DTNBP1: variants seen among roughly 807,000 people sequenced by gnomAD.
DTNBP1 encodes the protein dystrobrevin binding protein 1.
Under a neutral mutation model 42.8 loss-of-function variants are expected in DTNBP1, and 35 were observed. That is an observed-to-expected ratio of 0.82 (90% CI 0.63 to 1.09). DTNBP1 has a LOEUF of 1.09. DTNBP1 is among the 50% of genes least tolerant of loss of function. The probability of loss-of-function intolerance (pLI) is 0.00; values close to 1 mark genes in which losing one functional copy is unlikely to be tolerated. For synonymous variants in DTNBP1, 171 were observed against 162.2 expected (o/e 1.05, Z -0.41); for missense variants, 457 against 424.2 (o/e 1.08, Z -0.68).
chr6:15,628,240 T>G (rs1581411009), intron 4 of DTNBP1, among the ~76,000 whole-genome samples: 1 of 152,002 alleles, frequency 6.6e-6, no homozygotes, highest in East Asian at 1.9e-4. Context: ...CAAGAAGAGG[T>G]GATCTTTTGA....
intron 8 of DTNBP1, 21 bp from the exon 9 acceptor site, chr6:15,524,690 G>T: frequency 1.2e-6 from 2 of 1,610,564 alleles, no homozygotes; most frequent in Non-Finnish European, 8.5e-7. Context: ...ATCAACACGA[G>T]AAAGGACACG....
At chr6:15,551,595 C>T (rs949841718) in intron 7 of DTNBP1, among the ~76,000 whole-genome samples, 3 of 152,168 alleles carry the variant, frequency 2.0e-5, no homozygotes, top group Non-Finnish European at 4.4e-5. Context: ...GCCCCCTTCT[C>T]TGACAGGCCA....
At position 15,627,322 on chromosome 6, in the gene DTNBP1, C is replaced by G. The variant is rs16876738; in HGVS notation, c.355+21G>C. 0.16 allele frequency: 254,274 copies of G among 1,610,846 alleles called. 21,393 individuals carry two copies. The highest frequency in any genetic ancestry group is 0.28 in the Middle Eastern group (1,675 of 5,992). On this transcript the variant is annotated intron_variant, in intron 5 of 9. Transcript: ENST00000344537. ...TGTTTTCATTCCTAAAAGTAATGTA[C>G]AATGAAAACATTGGACTTACTCAGA...
intron 6 of DTNBP1, among the ~76,000 whole-genome samples, chr6:15,607,885 C>T (rs2113677029): frequency 6.6e-6 from 1 of 152,208 alleles, no homozygotes; most frequent in East Asian, 1.9e-4. Flanking sequence ...CAAGTAGTCC[C>T]TGCCCCAGCT....
chr6:15,601,440 A>G (rs142739957), intron 6 of DTNBP1, among the ~76,000 whole-genome samples: 22 of 152,320 alleles, frequency 1.4e-4, no homozygotes, highest in African/African-American at 5.1e-4. Flanking sequence ...GCTTTTAAAA[A>G]CCCATGTACA....
At chr6:15,543,781 TC>T (rs1297162644) in intron 7 of DTNBP1, among the ~76,000 whole-genome samples, 1 of 152,184 alleles carries the variant, frequency 6.6e-6, no homozygotes, top group African/African-American at 2.4e-5. Context: ...TCTGTAACTG[TC>T]CTTTCCACCA....
chr6:15,614,930 G>T, intron 6 of DTNBP1: 1 of 392,302 alleles, frequency 2.5e-6, no homozygotes, highest in Non-Finnish European at 4.9e-6. Flanking sequence ...AGTAATGGAG[G>T]AGAAGAGCAG....
At position 15,634,458 on chromosome 6, in the gene DTNBP1, A is replaced by T. The variant is rs189800569; in HGVS notation, c.222+3286T>A. 1.4e-3 allele frequency among the ~76,000 whole-genome samples: 214 copies of T among 152,282 alleles called. 4 individuals carry two copies. The highest frequency in any genetic ancestry group is 6.7e-3 in the Admixed American group (103 of 15,292). ...CAGCCTCCCAAGTAGCTGGAATTACAGGTGCCTGCCACCACACCAGGCTAA... is the reference window on the plus strand; with the variant it reads ...CAGCCTCCCAAGTAGCTGGAATTACTGGTGCCTGCCACCACACCAGGCTAA... On this transcript the variant is annotated intron_variant, in intron 4 of 9. Transcript: ENST00000344537.
At chr6:15,611,558 G>A (rs752057715) in intron 6 of DTNBP1, among the ~76,000 whole-genome samples, 5 of 152,256 alleles carry the variant, frequency 3.3e-5, no homozygotes, top group Non-Finnish European at 5.9e-5. Context: ...TTCCTTCAAC[G>A]GATCTAGGTC....
At chr6:15,541,334 T>G (rs1176476772) in intron 7 of DTNBP1, among the ~76,000 whole-genome samples, 2 of 152,126 alleles carry the variant, frequency 1.3e-5, no homozygotes, top group East Asian at 3.8e-4. Flanking sequence ...GGGAGGATAT[T>G]TGAAGGAAAA....
Position 15,533,395 on chromosome 6 carries a change from G to C in DTNBP1, c.512C>G (p.Ala171Gly), listed in dbSNP as rs1464334126. The C allele has an allele frequency of 3.7e-6, 6 of 1,614,092 alleles. No individual in the cohort carries two copies. In the African/African-American group the frequency reaches 8.0e-5, roughly 22 times the overall value. ...NKRKELETFK[A>G]ELDAEHAQKV... ...CTGGGCGTGCTCTGCATCTAGTTCA[G>C]CTGAGGAAACAGAATAACTGGGGTT... The change falls in exon 8 of 10, where the codon GCT (alanine) becomes GGT (glycine). Residue 171 changes from alanine to glycine, a missense_variant and splice_region_variant. Ala to Gly is a moderately conservative substitution (Grantham distance 60). Coordinates refer to ENST00000344537, the MANE Select transcript of DTNBP1 (RefSeq NM_032122.5).
At chr6:15,565,189 G>A (rs556575486) in intron 7 of DTNBP1, among the ~76,000 whole-genome samples, 2 of 152,240 alleles carry the variant, frequency 1.3e-5, no homozygotes, top group African/African-American at 4.8e-5. Flanking sequence ...ATAAGTGTAG[G>A]CAAGGATGAG....
intron 4 of DTNBP1, among the ~76,000 whole-genome samples, chr6:15,629,545 A>G (rs930193654): frequency 2.1e-5 from 3 of 145,894 alleles, no homozygotes; most frequent in South Asian, 2.1e-4. Context: ...AGAAAACACT[A>G]AACTATCATT....
intron 1 of DTNBP1, among the ~76,000 whole-genome samples, chr6:15,662,480 G>A (rs1334459500): frequency 6.6e-6 from 1 of 152,216 alleles, no homozygotes; most frequent in Non-Finnish European, 1.5e-5. Context: ...GAGGCGCGCT[G>A]GCTTCTCACA....
chr6:15,574,126 G>A (rs564978284), intron 7 of DTNBP1, among the ~76,000 whole-genome samples: 13 of 152,240 alleles, frequency 8.5e-5, no homozygotes, highest in Non-Finnish European at 1.8e-4. Context: ...AGAACCCCAT[G>A]TGGATTCTCT....
intron 5 of DTNBP1, among the ~76,000 whole-genome samples, chr6:15,618,564 G>T (rs1181841147): frequency 2.0e-5 from 3 of 150,872 alleles, no homozygotes; most frequent in Admixed American, 6.6e-5. Flanking sequence ...TTAGCGAAAA[G>T]ACCAAAAATA....
intron 7 of DTNBP1, among the ~76,000 whole-genome samples, chr6:15,565,471 T>C (rs1285836749): frequency 2.6e-5 from 4 of 152,182 alleles, no homozygotes; most frequent in Non-Finnish European, 5.9e-5. Flanking sequence ...AAATGTAATA[T>C]ATCCATACGA....
chr6:15,657,616 T>C (rs1487726992), intron 1 of DTNBP1, among the ~76,000 whole-genome samples: 1 of 152,212 alleles, frequency 6.6e-6, no homozygotes, highest in Admixed American at 6.5e-5. Flanking sequence ...CATCTTCTCC[T>C]TAGCCTGATT....
chr6:15,581,591 C>T (rs1034552622), intron 7 of DTNBP1, among the ~76,000 whole-genome samples: 5 of 151,306 alleles, frequency 3.3e-5, no homozygotes, highest in Admixed American at 3.3e-4. Context: ...AGCACTTCTC[C>T]TGTCTCAGCC....
Sources: gnomAD v4.1 joint callset for allele counts (sites outside exome capture counted in the v4.1 genomes callset) on GRCh38, gnomAD v4.1.1 for gene constraint, MANE v1.5 for transcripts, NCBI Gene and HGNC (gene_info 2026-07-23, HGNC 2026-07-21) for gene names.